The following MAP9 variants were observed in gnomAD, a reference collection of about 807,000 sequenced individuals.
MAP9 encodes microtubule associated protein 9.
A neutral mutation model predicts 75.2 loss-of-function variants in MAP9; 80 were observed. The observed-to-expected ratio is 1.06, with a 90% confidence interval of 0.89 to 1.28. MAP9 has a LOEUF of 1.28. MAP9 is among the 50% of genes most tolerant of loss of function. MAP9 has a pLI of 0.00. For missense variants in MAP9, 753 were observed against 719.9 expected (o/e 1.05, Z -0.53); for synonymous variants, 235 against 237.3 (o/e 0.99, Z 0.09).
rs746174689 is a variant in MAP9, at chr4:155,368,831, A to C, written c.482-19T>G. On this transcript the variant is annotated intron_variant, in intron 4 of 13. Coordinates refer to ENST00000311277, the MANE Select transcript of MAP9 (RefSeq NM_001039580.2). ...TTTTCTGCTGAAAAATAAAATGCTT[A>C]AAGTGTGTGTATAAAAAAATGACCA... 2.0e-5 allele frequency: 31 copies of C among 1,579,410 alleles called. No individual in the cohort carries two copies. The highest frequency in any genetic ancestry group is 2.7e-5 in the Non-Finnish European group (31 of 1,159,218).
chr4:155,353,819 C>T (rs987806377), intron 10 of MAP9, among the ~76,000 whole-genome samples: 3 of 152,086 alleles, frequency 2.0e-5, no homozygotes, highest in Admixed American at 2.0e-4. Flanking sequence ...AGTATCAAAA[C>T]ATAAAGTTCT....
At chr4:155,367,416 G>C (rs1297518517) in intron 5 of MAP9, 1 of 152,246 alleles carries the variant, frequency 6.6e-6, no homozygotes, top group Admixed American at 6.5e-5. Flanking sequence ...ATTCTTCCGT[G>C]ATGCCTTCAG....
In MAP9 at chr4:155,368,590, G is replaced by A; in HGVS notation, c.704C>T (p.Pro235Leu). The change falls in exon 5 of 14, where the codon CCT (proline) becomes CTT (leucine). Residue 235 changes from proline to leucine, a missense_variant. Transcript: ENST00000311277. ...EKKAFSENLD[P>L]EDSCLTSLAS... The stretch of plus-strand genomic sequence containing the variant: ...CAGTTTAGTGGTAGTGCTAACCTCA[G>A]GATCAAGGTTTTCAGAGAATGCTTT... 6.2e-7 allele frequency: 1 copy of A among 1,612,138 alleles called. No individual in the cohort carries two copies. The highest frequency in any genetic ancestry group is 2.2e-5 in the East Asian group (1 of 44,860).
At position 155,373,248 on chromosome 4, in the gene MAP9, G is replaced by T. The variant is rs757973673; in HGVS notation, c.369C>A (p.Asp123Glu). Residue 123 changes from aspartate (D) to glutamate (E), a missense_variant, in exon 4 of 14, where the codon GAC becomes GAA. By Grantham distance (45) the Asp-to-Glu change is conservative (BLOSUM62 2). Transcript: ENST00000311277. Reference sequence around the variant, plus strand: ...ATTCAGAGAAAGATTTTACAACAATGTCTTCACACCCATCAGGTGCCATTT... The same window carrying T: ...ATTCAGAGAAAGATTTTACAACAATTTCTTCACACCCATCAGGTGCCATTT... ...EEEMAPDGCEDIVVKSFSESQ... is the reference protein window; with the variant it reads ...EEEMAPDGCEEIVVKSFSESQ... The T allele has an allele frequency of 6.2e-6, 10 of 1,612,344 alleles. No individual in the cohort carries two copies. The highest frequency in any genetic ancestry group is 8.5e-6 in the Non-Finnish European group (10 of 1,179,146).
chr4:155,363,701 G>C (rs1226351965), intron 5 of MAP9, among the ~76,000 whole-genome samples: 1 of 151,950 alleles, frequency 6.6e-6, no homozygotes, highest in Non-Finnish European at 1.5e-5. Context: ...CTTTTGCTGG[G>C]CCATTAAAAC....
rs377123752 is a variant in MAP9, at chr4:155,368,647, G to A, written c.647C>T (p.Thr216Met). 1.2e-5 allele frequency: 19 copies of A among 1,614,006 alleles called. No individual in the cohort carries two copies. The highest frequency in any genetic ancestry group is 8.3e-5 in the Admixed American group (5 of 60,002). Residue 216 changes from threonine (T) to methionine (M), a missense_variant, in exon 5 of 14, where the codon ACG becomes ATG. Physicochemically the swap from Thr to Met is moderately conservative, Grantham distance 81 (BLOSUM62 -1). Coordinates refer to ENST00000311277, the MANE Select transcript of MAP9 (RefSeq NM_001039580.2). ...AGCTTCTAATTGTATGCCATTCGGC[G>A]TTGGAAGGGAAGAAGGTGCAGAATG... ...ELHSAPSSLP[T>M]PNGIQLEAEK... is the part of the protein sequence containing the mutation.
Position 155,343,881 on chromosome 4 carries a change from C to T in MAP9, c.*3902G>A, listed in dbSNP as rs1233267903. ...AGTAAAAATAACTCAGAGAAACTTC[C>T]AGTTTAACATTTACACAGCATTTTA... is the stretch of plus-strand genomic sequence containing the variant. On this transcript the variant is annotated 3_prime_UTR_variant, in exon 14 of 14. Coordinates refer to ENST00000311277, the MANE Select transcript of MAP9 (RefSeq NM_001039580.2). 6.6e-6 allele frequency: 1 copy of T among 151,806 alleles called. No homozygotes were observed. Among genetic ancestry groups the T allele is most frequent in the East Asian group, 1.9e-4 (1 of 5,196 alleles). The allele number at this position is 151,806 out of a possible 1,614,324, so 9.4% of individuals were successfully genotyped here. A position where few individuals can be genotyped will look rare whatever the true frequency, so the allele number is the denominator to read the frequency against.
intron 5 of MAP9, chr4:155,367,294 A>T (rs1732374915): frequency 6.6e-6 from 1 of 152,268 alleles, no homozygotes; most frequent in Non-Finnish European, 1.5e-5. Flanking sequence ...GAAGAAGGCC[A>T]CATGGGATGA....
rs1731170094 is a variant in MAP9 at position 155,343,116 on chromosome 4, G to A, written c.*4667C>T. Reference sequence around the variant, plus strand: ...AAAAAATCTGGCTACCAAATATGTAGTCTGACTCATTCTTATTTCAAATAA... The same window carrying A: ...AAAAAATCTGGCTACCAAATATGTAATCTGACTCATTCTTATTTCAAATAA... On this transcript the variant is annotated 3_prime_UTR_variant, in exon 14 of 14. Transcript: ENST00000311277. The A allele has an allele frequency of 6.6e-6, 1 of 151,746 alleles. No homozygotes were observed. Among genetic ancestry groups the A allele is most frequent in the Admixed American group, 6.6e-5 (1 of 15,232 alleles). 9.4% of individuals were successfully genotyped at this position (151,746 alleles called of 1,614,324 possible).
intron 7 of MAP9, among the ~76,000 whole-genome samples, chr4:155,358,690 G>C (rs1305281502): frequency 6.6e-6 from 1 of 151,786 alleles, no homozygotes; most frequent in Non-Finnish European, 1.5e-5. Context: ...TGTTTCTTAA[G>C]GTTATAATAA....
chr4:155,355,341 T>C (rs1419890574), intron 9 of MAP9, among the ~76,000 whole-genome samples, 181 bp from the exon 10 acceptor site: 1 of 152,116 alleles, frequency 6.6e-6, no homozygotes, highest in Non-Finnish European at 1.5e-5. Flanking sequence ...CTTTTTCCTA[T>C]GTACGCCTAA....
In MAP9 at chr4:155,352,678, T is replaced by C. The variant is rs1248857029; in HGVS notation, c.1739A>G (p.Asn580Ser). 1 of 1,556,406 alleles carries C rather than the reference T, an allele frequency of 6.4e-7. No homozygotes were observed. Among genetic ancestry groups the C allele is most frequent in the Non-Finnish European group, 8.8e-7 (1 of 1,138,792 alleles). ...TTTCAGTTCTTCCTTTCTTTTCTCA[T>C]TTATTTTTTCTTTTTCCTTTTGCTT... is the stretch of plus-strand genomic sequence containing the variant. ...FFKQKEKEKI[N>S]EKRKEELKRA... The change falls in exon 13 of 14, where the codon AAT becomes AGT. Residue 580 changes from asparagine to serine, a missense_variant. By Grantham distance (46) the Asn-to-Ser change is conservative. Transcript: ENST00000311277.
At chr4:155,376,064 C>A (rs1732826555) in intron 1 of MAP9, 150 bp from the exon 2 acceptor site, 1 of 410,288 alleles carries the variant, frequency 2.4e-6, no homozygotes, top group Non-Finnish European at 4.3e-6. Flanking sequence ...AAAGAAATAG[C>A]AAATTCTCAT....
At position 155,343,452 on chromosome 4, in the gene MAP9, A is replaced by G. The variant is rs1392839202; in HGVS notation, c.*4331T>C. On this transcript the variant is annotated 3_prime_UTR_variant, in exon 14 of 14. Transcript: ENST00000311277. Reference sequence around the variant, plus strand: ...TGACTTTTGCTTATTTGCATTTTCTAATTATTTAATAATTATATAATTATA... The same window carrying G: ...TGACTTTTGCTTATTTGCATTTTCTGATTATTTAATAATTATATAATTATA... 6.6e-6 allele frequency: 1 copy of G among 151,462 alleles called. No individual in the cohort carries two copies. Among genetic ancestry groups the G allele is most frequent in the Non-Finnish European group, 1.5e-5 (1 of 67,728 alleles). The allele number at this position is 151,462 out of a possible 1,614,324, so 9.4% of individuals were successfully genotyped here.
At chr4:155,371,477 T>C (rs563635201) in intron 4 of MAP9, among the ~76,000 whole-genome samples, 2 of 152,008 alleles carry the variant, frequency 1.3e-5, no homozygotes, top group Non-Finnish European at 2.9e-5. Context: ...TTAATATATT[T>C]TCTACAAAAA....
chr4:155,360,486 C>A, intron 6 of MAP9, 71 bp from the exon 7 acceptor site: 2 of 1,428,400 alleles, frequency 1.4e-6, no homozygotes, highest in Admixed American at 2.1e-5. Flanking sequence ...GATTCATTTG[C>A]TTTCTTTTAA....
intron 4 of MAP9, among the ~76,000 whole-genome samples, chr4:155,370,074 G>A (rs1732526371): frequency 6.6e-6 from 1 of 152,090 alleles, no homozygotes; most frequent in South Asian, 2.1e-4. Flanking sequence ...ATAAGTAGCT[G>A]ACAATTTTAG....
chr4:155,364,443 A>C (rs1175675656), intron 5 of MAP9, among the ~76,000 whole-genome samples: 1 of 148,730 alleles, frequency 6.7e-6, no homozygotes. Flanking sequence ...TAATATCTAT[A>C]AATAGATTAT....
At chr4:155,348,290 T>C (rs974245265) in intron 13 of MAP9, among the ~76,000 whole-genome samples, 2 of 151,900 alleles carry the variant, frequency 1.3e-5, no homozygotes, top group Admixed American at 6.6e-5. Context: ...TGAGCCGAGA[T>C]TGCACCACTG....
Sources: gnomAD v4.1 joint callset for allele counts (sites outside exome capture counted in the v4.1 genomes callset) on GRCh38, gnomAD v4.1.1 for gene constraint, MANE v1.5 for transcripts, NCBI Gene and HGNC (gene_info 2026-07-23, HGNC 2026-07-21) for gene names.